The following B3GALT1 variants were observed in gnomAD, a reference collection of about 807,000 sequenced individuals.
B3GALT1 encodes UDP-Gal:betaGlcNAc beta 1,3-galactosyltransferase, polypeptide 1.
B3GALT1 carries 10 observed loss-of-function variants against 23.2 expected under a neutral mutation model. The observed-to-expected ratio is 0.43, with a 90% confidence interval of 0.27 to 0.73. B3GALT1 has a LOEUF of 0.73. B3GALT1 is among the 30% of genes least tolerant of loss of function. The probability of loss-of-function intolerance (pLI) is 0.21; values close to 1 mark genes in which losing one functional copy is unlikely to be tolerated. For missense variants in B3GALT1, 299 were observed against 405.4 expected, an observed-to-expected ratio of 0.74 and a Z score of 2.25; for synonymous variants, 156 against 141.5, an observed-to-expected ratio of 1.10 and a Z score of -0.73.
chr2:167,805,987 A>C (rs1235982146), intron 3 of B3GALT1, among the ~76,000 whole-genome samples: 4 of 151,982 alleles, frequency 2.6e-5, no homozygotes, highest in Non-Finnish European at 2.9e-5. Context: ...ATTTGTTTGT[A>C]TCCTCTTTTA....
chr2:167,715,443 T>C (rs1687127445), intron 3 of B3GALT1: 1 of 1,607,866 alleles, frequency 6.2e-7, no homozygotes, highest in African/African-American at 1.3e-5. Context: ...GCATCTTTTA[T>C]TGCTATCGCC....
intron 3 of B3GALT1, among the ~76,000 whole-genome samples, chr2:167,722,841 A>C (rs1687255466): frequency 6.6e-6 from 1 of 152,226 alleles, no homozygotes; most frequent in Admixed American, 6.5e-5. Context: ...ATTGGCCCCA[A>C]AATTATTTCT....
At chr2:167,565,964 C>G (rs1021907868) in intron 2 of B3GALT1, among the ~76,000 whole-genome samples, 13 of 151,998 alleles carry the variant, frequency 8.6e-5, no homozygotes, top group Non-Finnish European at 1.5e-4. Context: ...GGATGTAGAA[C>G]TAGAAATACC....
intron 3 of B3GALT1, among the ~76,000 whole-genome samples, chr2:167,676,167 G>T (rs1156380926): frequency 2.0e-5 from 3 of 151,828 alleles, no homozygotes; most frequent in African/African-American, 7.3e-5. Flanking sequence ...AGCACCCCTC[G>T]CTTCCTCTCA....
intron 1 of B3GALT1, among the ~76,000 whole-genome samples, chr2:167,391,183 T>G (rs1303638913): frequency 6.6e-6 from 1 of 152,186 alleles, no homozygotes; most frequent in African/African-American, 2.4e-5. Context: ...TTAATTGTAT[T>G]GTAGAAATTC....
chr2:167,863,144 G>T (rs1574307431), intron 4 of B3GALT1, among the ~76,000 whole-genome samples: 1 of 151,932 alleles, frequency 6.6e-6, no homozygotes, highest in South Asian at 2.1e-4. Flanking sequence ...CTTTCCAGAG[G>T]TTTCTGCTTT....
intron 1 of B3GALT1, among the ~76,000 whole-genome samples, chr2:167,449,066 C>G (rs879065363): frequency 2.8e-4 from 43 of 152,028 alleles, no homozygotes; most frequent in Admixed American, 2.0e-3. Flanking sequence ...CTTAGTCTTC[C>G]TTTGGTTCTG....
chr2:167,605,288 G>A (rs1342204306), intron 2 of B3GALT1, among the ~76,000 whole-genome samples: 1 of 152,198 alleles, frequency 6.6e-6, no homozygotes, highest in African/African-American at 2.4e-5. Flanking sequence ...AAACGTAGTG[G>A]CTTCAAAAAA....
chr2:167,733,542 T>C (rs1025267064), intron 3 of B3GALT1, among the ~76,000 whole-genome samples: 46 of 152,274 alleles, frequency 3.0e-4, no homozygotes, highest in African/African-American at 1.0e-3. Context: ...AGTTTCTCAC[T>C]TTCTAAAACA....
intron 2 of B3GALT1, among the ~76,000 whole-genome samples, chr2:167,516,950 G>GTATATATATA (rs779431606): frequency 3.2e-5 from 3 of 93,342 alleles, no homozygotes; most frequent in Non-Finnish European, 5.4e-5. Flanking sequence ...TTCTGTGTGT[G>GTATATATATA]TATATATATA....
intron 3 of B3GALT1, among the ~76,000 whole-genome samples, chr2:167,710,374 G>A (rs1173278721): frequency 6.6e-6 from 1 of 152,176 alleles, no homozygotes; most frequent in African/African-American, 2.4e-5. Flanking sequence ...CAACCTTAGA[G>A]AACATCTAAT....
chr2:167,333,332 G>A (rs1697004510), intron 1 of B3GALT1, among the ~76,000 whole-genome samples: 1 of 152,292 alleles, frequency 6.6e-6, no homozygotes, highest in East Asian at 1.9e-4. Flanking sequence ...AACTGGTGCC[G>A]ACAGGTGCCT....
chr2:167,636,064 A>T (rs1685547998), intron 2 of B3GALT1, among the ~76,000 whole-genome samples: 1 of 152,078 alleles, frequency 6.6e-6, no homozygotes, highest in African/African-American at 2.4e-5. Flanking sequence ...GATCTTTGAC[A>T]AACCCGACAA....
At chr2:167,664,735 A>G (rs1199586193) in intron 3 of B3GALT1, among the ~76,000 whole-genome samples, 29 of 151,902 alleles carry the variant, frequency 1.9e-4, no homozygotes, top group East Asian at 1.2e-3. Flanking sequence ...TTGTGAATGG[A>G]AGTTCACTCA....
At chr2:167,582,974 T>C (rs1684514715) in intron 2 of B3GALT1, among the ~76,000 whole-genome samples, 1 of 152,178 alleles carries the variant, frequency 6.6e-6, no homozygotes, top group Non-Finnish European at 1.5e-5. Flanking sequence ...CACACTGGGC[T>C]CTGTGCTTAG....
At chr2:167,604,646 A>C (rs1684931782) in intron 2 of B3GALT1, among the ~76,000 whole-genome samples, 1 of 152,154 alleles carries the variant, frequency 6.6e-6, no homozygotes, top group South Asian at 2.1e-4. Flanking sequence ...ATAGACTTTA[A>C]GGAGGTAACT....
intron 1 of B3GALT1, among the ~76,000 whole-genome samples, chr2:167,349,851 A>G (rs1358773764): frequency 2.0e-5 from 3 of 152,178 alleles, no homozygotes; most frequent in African/African-American, 7.2e-5. Context: ...TCTTCTCCCT[A>G]TAGGAATTTT....
intron 1 of B3GALT1, among the ~76,000 whole-genome samples, chr2:167,297,109 CATG>C (rs1696363685): frequency 6.6e-6 from 1 of 152,068 alleles, no homozygotes; most frequent in African/African-American, 2.4e-5. Flanking sequence ...TCAGCAATAA[CATG>C]ATATGATATC....
chr2:167,456,996 C>G (rs1416528528), intron 1 of B3GALT1, among the ~76,000 whole-genome samples: 8 of 152,118 alleles, frequency 5.3e-5, no homozygotes, highest in Admixed American at 4.6e-4. Context: ...GCAACCAGAT[C>G]CAATCCTGAT....
Sources: allele counts gnomAD v4.1 joint callset (sites outside exome capture counted in the v4.1 genomes callset), GRCh38; gene constraint gnomAD v4.1.1; transcripts MANE v1.5; gene names NCBI Gene and HGNC (gene_info 2026-07-23, HGNC 2026-07-21).